ARHGAP15: variants seen among roughly 807,000 people sequenced by gnomAD.
The protein encoded by ARHGAP15 is rho GTPase-activating protein 15.
Under a neutral mutation model 63.7 loss-of-function variants are expected in ARHGAP15, and 51 were observed. That is an observed-to-expected ratio of 0.80 (90% CI 0.64 to 1.01). ARHGAP15 has a LOEUF of 1.01. ARHGAP15 is among the 50% of genes least tolerant of loss of function. The pLI, the probability that ARHGAP15 is intolerant of heterozygous loss-of-function variation, is 0.00. For synonymous variants in ARHGAP15, 191 were observed against 193.8 expected (o/e 0.99, Z 0.12); for missense variants, 560 against 564.6 (o/e 0.99, Z 0.08).
intron 3 of ARHGAP15, among the ~76,000 whole-genome samples, chr2:143,213,935 A>G (rs915124217): frequency 1.3e-5 from 2 of 152,220 alleles, no homozygotes; most frequent in African/African-American, 4.8e-5. Flanking sequence ...TATTCTGGGA[A>G]AAGTCCTGCA....
intron 8 of ARHGAP15, among the ~76,000 whole-genome samples, chr2:143,462,128 C>G (rs1175267970): frequency 1.3e-5 from 2 of 151,928 alleles, no homozygotes; most frequent in Non-Finnish European, 2.9e-5. Flanking sequence ...CCTCTGCACT[C>G]CAGCCTGGGC....
chr2:143,307,513 A>G (rs1015584499), intron 6 of ARHGAP15, among the ~76,000 whole-genome samples: 1 of 152,160 alleles, frequency 6.6e-6, no homozygotes, highest in African/African-American at 2.4e-5. Context: ...TCAACATGCA[A>G]CTGAGGTATC....
chr2:143,234,207 G>A (rs990090314), intron 5 of ARHGAP15, among the ~76,000 whole-genome samples: 12 of 151,996 alleles, frequency 7.9e-5, no homozygotes, highest in African/African-American at 2.9e-4. Flanking sequence ...TATGTATATT[G>A]TTAGAGTTAA....
intron 10 of ARHGAP15, among the ~76,000 whole-genome samples, chr2:143,524,027 T>C (rs1694164289): frequency 6.6e-6 from 1 of 152,176 alleles, no homozygotes; most frequent in African/African-American, 2.4e-5. Context: ...TTCTGTCTTT[T>C]TTCTGGAACA....
At chr2:143,399,378 C>T (rs186462799) in intron 6 of ARHGAP15, among the ~76,000 whole-genome samples, 2 of 151,936 alleles carry the variant, frequency 1.3e-5, no homozygotes, top group East Asian at 3.9e-4. Context: ...AAAAAAAATG[C>T]CCTTCTTGGC....
At chr2:143,634,988 TTC>T (rs1680231432) in intron 12 of ARHGAP15, among the ~76,000 whole-genome samples, 1 of 152,052 alleles carries the variant, frequency 6.6e-6, no homozygotes, top group African/African-American at 2.4e-5. Flanking sequence ...AAGTGATACC[TTC>T]TCTCAGTTGG....
At chr2:143,317,694 T>C (rs530281536) in intron 6 of ARHGAP15, among the ~76,000 whole-genome samples, 1 of 152,272 alleles carries the variant, frequency 6.6e-6, no homozygotes, top group East Asian at 1.9e-4. Flanking sequence ...CTGTAGATAA[T>C]ATTTTCGAGA....
At chr2:143,212,788 C>A (rs919757160) in intron 3 of ARHGAP15, among the ~76,000 whole-genome samples, 1 of 152,124 alleles carries the variant, frequency 6.6e-6, no homozygotes, top group Admixed American at 6.5e-5. Flanking sequence ...ATACTTCTTT[C>A]GGCACACTAT....
In ARHGAP15 at chr2:143,535,185, G is replaced by A. The variant is rs750934060; in HGVS notation, c.925+15821G>A. On this transcript the variant is annotated intron_variant, in intron 10 of 13. Transcript: ENST00000295095. Reference sequence around the variant, plus strand: ...CCAAAATAGCAGGTAACCCAGGAAGGGAGAAACTTTGGATAATAGCAACCA... The same window carrying A: ...CCAAAATAGCAGGTAACCCAGGAAGAGAGAAACTTTGGATAATAGCAACCA... Among the ~76,000 whole-genome samples, 52 of 151,826 alleles carry A rather than the reference G, an allele frequency of 3.4e-4. 1 individual carries two copies. The highest frequency in any genetic ancestry group is 1.2e-3 in the Admixed American group (18 of 15,248).
intron 4 of ARHGAP15, among the ~76,000 whole-genome samples, chr2:143,220,650 T>G (rs1301135782): frequency 6.6e-6 from 1 of 152,214 alleles, no homozygotes; most frequent in Non-Finnish European, 1.5e-5. Flanking sequence ...GCAACAAAAA[T>G]GGTCAGTTTA....
intron 6 of ARHGAP15, among the ~76,000 whole-genome samples, chr2:143,366,090 C>T (rs1464248209): frequency 6.6e-6 from 1 of 152,140 alleles, no homozygotes; most frequent in Non-Finnish European, 1.5e-5. Context: ...TTATCAGAAA[C>T]TCTTTAATCG....
intron 8 of ARHGAP15, among the ~76,000 whole-genome samples, chr2:143,461,416 T>C (rs923496132): frequency 6.6e-6 from 1 of 152,100 alleles, no homozygotes; most frequent in African/African-American, 2.4e-5. Context: ...GTAGTGAAGT[T>C]GTGATGTAGA....
chr2:143,201,476 A>T (rs1438963713), intron 2 of ARHGAP15, among the ~76,000 whole-genome samples: 1 of 152,062 alleles, frequency 6.6e-6, no homozygotes, highest in African/African-American at 2.4e-5. Context: ...GGTATTCACT[A>T]ACCCGAGCAT....
intron 6 of ARHGAP15, among the ~76,000 whole-genome samples, chr2:143,389,322 G>A (rs1429081984): frequency 1.3e-5 from 2 of 151,966 alleles, no homozygotes; most frequent in East Asian, 3.9e-4. Context: ...CAGGTGACTT[G>A]TACGTCTGTT....
In ARHGAP15 at chr2:143,583,954, T is replaced by C. The variant is rs563583571; in HGVS notation, c.1003+27469T>C. 3.3e-5 allele frequency among the ~76,000 whole-genome samples: 5 copies of C among 152,334 alleles called. No individual in the cohort carries two copies. The South Asian group carries it at 1.0e-3, about 32-fold the overall frequency. On this transcript the variant is annotated intron_variant, in intron 11 of 13. Coordinates refer to ENST00000295095, the MANE Select transcript of ARHGAP15 (RefSeq NM_018460.4). ...TTAGCTAAATTAAGTGAAACTTTTCTAGGTAAATTTGGAAATTTTGGAATT... is the reference window on the plus strand; with the variant it reads ...TTAGCTAAATTAAGTGAAACTTTTCCAGGTAAATTTGGAAATTTTGGAATT...
chr2:143,643,256 C>T (rs948770759), intron 12 of ARHGAP15, among the ~76,000 whole-genome samples: 1 of 152,030 alleles, frequency 6.6e-6, no homozygotes, highest in African/African-American at 2.4e-5. Context: ...ATTTGGCTAT[C>T]GCCCAAATAT....
intron 6 of ARHGAP15, among the ~76,000 whole-genome samples, chr2:143,382,605 G>T (rs1472513072): frequency 6.6e-6 from 1 of 152,126 alleles, no homozygotes; most frequent in Non-Finnish European, 1.5e-5. Context: ...ACCTTCTGAG[G>T]TACTGGGGGT....
intron 4 of ARHGAP15, among the ~76,000 whole-genome samples, chr2:143,218,021 C>CAGA (rs1219163015): frequency 6.6e-6 from 1 of 152,122 alleles, no homozygotes; most frequent in Non-Finnish European, 1.5e-5. Flanking sequence ...TTATAACATA[C>CAGA]AGAAGGCAGT....
chr2:143,656,044 A>G (rs902503525), intron 12 of ARHGAP15: 5 of 152,286 alleles, frequency 3.3e-5, no homozygotes, highest in African/African-American at 9.6e-5. Context: ...TGATTTCTGG[A>G]TGGCAGTTGC....
Sources: gnomAD v4.1 joint callset for allele counts (sites outside exome capture counted in the v4.1 genomes callset) on GRCh38, gnomAD v4.1.1 for gene constraint, MANE v1.5 for transcripts, NCBI Gene and HGNC (gene_info 2026-07-23, HGNC 2026-07-21) for gene names.